SIRPA: variants seen among roughly 807,000 people sequenced by gnomAD.
SIRPA encodes signal regulatory protein alpha.
SIRPA carries 9 observed loss-of-function variants against 50.3 expected under a neutral mutation model. That is an observed-to-expected ratio of 0.18 (90% confidence interval 0.11 to 0.31). The LOEUF (loss-of-function observed/expected upper bound fraction) is 0.31. SIRPA is among the 10% of genes least tolerant of loss of function. The pLI, the probability that SIRPA is intolerant of heterozygous loss-of-function variation, is 1.00. For synonymous variants in SIRPA, 265 were observed against 284.1 expected (o/e 0.93, Z 0.68); for missense variants, 474 against 661.6 (o/e 0.72, Z 3.11).
At chr20:1,920,327 T>C (rs554434052) in intron 2 of SIRPA, among the ~76,000 whole-genome samples, 1 of 152,290 alleles carries the variant, frequency 6.6e-6, no homozygotes, top group African/African-American at 2.4e-5. Context: ...AAATGTTTGA[T>C]GGGTGTGAGG....
chr20:1,914,540 ACT>A (rs1328846613), intron 1 of SIRPA, among the ~76,000 whole-genome samples: 124 of 148,958 alleles, frequency 8.3e-4, no homozygotes, highest in African/African-American at 2.9e-3. Flanking sequence ...ACTCAAACAC[ACT>A]GGCACGAGTC....
chr20:1,907,698 A>G (rs1403095555), intron 1 of SIRPA, among the ~76,000 whole-genome samples: 4 of 152,202 alleles, frequency 2.6e-5, no homozygotes, highest in Non-Finnish European at 4.4e-5. Flanking sequence ...ACGGCCCCAC[A>G]TGCTAAGATA....
upstream of SIRPA, chr20:1,895,372 T>C (rs1313424069): frequency 2.5e-5 from 22 of 882,498 alleles, no homozygotes; most frequent in East Asian, 3.4e-5. Flanking sequence ...GCCTTAGTCA[T>C]TTCCCCGCTC....
At chr20:1,925,796 A>G (rs995889031) in intron 5 of SIRPA, among the ~76,000 whole-genome samples, 3 of 152,236 alleles carry the variant, frequency 2.0e-5, no homozygotes, top group Non-Finnish European at 4.4e-5. Context: ...TAGGATCGCC[A>G]TAAATACATG....
At chr20:1,899,506 C>T (rs943707105) in intron 1 of SIRPA, among the ~76,000 whole-genome samples, 4 of 152,188 alleles carry the variant, frequency 2.6e-5, no homozygotes, top group South Asian at 2.1e-4. Flanking sequence ...GGCCTCTCTC[C>T]GTTTGGTAAA....
rs1986026083 is a variant in SIRPA at position 1,927,122 on chromosome 20, C to G, written c.1202-753C>G. 6.6e-6 allele frequency among the ~76,000 whole-genome samples: 1 copy of G among 152,254 alleles called. No homozygotes were observed. ...CCTGCCCAGGCAGCAAGCGTTAACC[C>G]AGCAGCAAGAATTCTTGCACTGTGG... On this transcript the variant is annotated intron_variant, in intron 5 of 7. Coordinates refer to ENST00000358771, the MANE Select transcript of SIRPA (RefSeq NM_001040023.2). This position sits in a 1 kb window ranked among gnomAD's most constrained non-coding sequence, Gnocchi z 6.5.
Position 1,927,598 on chromosome 20 carries a change from T to C in SIRPA, c.1202-277T>C, listed in dbSNP as rs977681510. On this transcript the variant is annotated intron_variant, in intron 5 of 7. Coordinates refer to ENST00000358771, the MANE Select transcript of SIRPA (RefSeq NM_001040023.2). The surrounding 1 kb of genome is among the most constrained non-coding windows in gnomAD (Gnocchi z 6.5). ...AATGGAGGTGAGACCCAGACAGAGG[T>C]AGGGCGGTTGTCGCCTCCCAGGCTG... Among the ~76,000 whole-genome samples, 1 of 152,084 alleles carries C rather than the reference T, an allele frequency of 6.6e-6. No homozygotes were observed. Among genetic ancestry groups the C allele is most frequent in the Non-Finnish European group, 1.5e-5 (1 of 68,010 alleles).
chr20:1,920,452 G>T (rs1402740780), intron 2 of SIRPA, among the ~76,000 whole-genome samples: 1 of 152,224 alleles, frequency 6.6e-6, no homozygotes, highest in African/African-American at 2.4e-5. Context: ...CCCATCTGCA[G>T]GGAGAAACAG....
At chr20:1,904,870 T>C (rs977084424) in intron 1 of SIRPA, among the ~76,000 whole-genome samples, 1 of 152,100 alleles carries the variant, frequency 6.6e-6, no homozygotes, top group Admixed American at 6.5e-5. Context: ...CAGACTCCTC[T>C]GGGAGGAGAG....
At chr20:1,914,733 T>C (rs1600418453) in intron 1 of SIRPA, among the ~76,000 whole-genome samples, 1 of 146,858 alleles carries the variant, frequency 6.8e-6, no homozygotes, top group Non-Finnish European at 1.5e-5. Flanking sequence ...GCCCCAGATA[T>C]GCCAGGCCCC....
chr20:1,895,478 CTCGGGCCGCT>C lies in SIRPA; in HGVS notation c.32_41del (p.Leu11ArgfsTer23). 6.9e-7 allele frequency: 1 copy of C among 1,440,042 alleles called. No homozygotes were observed. Among genetic ancestry groups the C allele is most frequent in the South Asian group, 1.4e-5 (1 of 70,690 alleles). 89.2% of individuals were successfully genotyped at this position (1,440,042 alleles called of 1,614,324 possible). A position where few individuals can be genotyped will look rare whatever the true frequency, so the allele number is the denominator to read the frequency against. On this transcript the variant is annotated frameshift_variant, in exon 1 of 8. Coordinates refer to ENST00000358771, the MANE Select transcript of SIRPA (RefSeq NM_001040023.2). LOFTEE classifies it high-confidence loss of function. ...GCCCGCCGGCCCGGCCCCCGGCCGC[CTCGGGCCGCT>C]GCTCTGCCTGCTGCTCGCCGCGTCC...
intron 2 of SIRPA, 50 bp downstream of exon 2, chr20:1,915,505 A>G (rs775366600): frequency 1.3e-6 from 2 of 1,590,174 alleles, no homozygotes; most frequent in South Asian, 2.2e-5. Flanking sequence ...CAGTAACTCA[A>G]TAATAACACC....
At chr20:1,908,561 A>G (rs886305251) in intron 1 of SIRPA, among the ~76,000 whole-genome samples, 1 of 152,142 alleles carries the variant, frequency 6.6e-6, no homozygotes, top group African/African-American at 2.4e-5. Context: ...ATTCCGGCAC[A>G]CAGGCACCGT....
At chr20:1,918,069 G>A (rs1985406367) in intron 2 of SIRPA, among the ~76,000 whole-genome samples, 1 of 152,232 alleles carries the variant, frequency 6.6e-6, no homozygotes, top group Non-Finnish European at 1.5e-5. Context: ...CTCAGCCTCA[G>A]TTTCCTCATC....
Position 1,937,811 on chromosome 20 carries a change from A to G in SIRPA, c.*243A>G. Reference sequence around the variant, plus strand: ...GGAGGCTGACGTTGCCAAACCAGCCAGGGAACCAACCTGGGAAGTGGCCAG... The same window carrying G: ...GGAGGCTGACGTTGCCAAACCAGCCGGGGAACCAACCTGGGAAGTGGCCAG... On this transcript the variant is annotated 3_prime_UTR_variant, in exon 8 of 8. Coordinates refer to ENST00000358771, the MANE Select transcript of SIRPA (RefSeq NM_001040023.2). This position sits in a 1 kb window ranked among gnomAD's most constrained non-coding sequence, Gnocchi z 8.3. The G allele has an allele frequency of 5.3e-6, 3 of 562,984 alleles. No individual in the cohort carries two copies. The highest frequency in any genetic ancestry group is 9.4e-6 in the Non-Finnish European group (3 of 317,722). The allele number at this position is 562,984 out of a possible 1,614,324, so 34.9% of individuals were successfully genotyped here.
rs532367839 is a variant in SIRPA, at chr20:1,934,120, T to G, written c.1227-595T>G. Among the ~76,000 whole-genome samples, 1 of 152,288 alleles carries G rather than the reference T, an allele frequency of 6.6e-6. No homozygotes were observed. Among genetic ancestry groups the G allele is most frequent in the East Asian group, 1.9e-4 (1 of 5,186 alleles). On this transcript the variant is annotated intron_variant, in intron 6 of 7. Transcript: ENST00000358771. This position sits in a 1 kb window ranked among gnomAD's most constrained non-coding sequence, Gnocchi z 4.6. ...AGAATTTTCCTTTTTCACTTATCAT[T>G]TTAATGTAAGCAATTTTAACTTAAA...
chr20:1,910,416 A>C (rs1478927114), intron 1 of SIRPA, among the ~76,000 whole-genome samples: 4 of 152,264 alleles, frequency 2.6e-5, no homozygotes, highest in African/African-American at 9.6e-5. Flanking sequence ...TTATAAAGTA[A>C]TAAGAAAACA....
At chr20:1,919,923 T>C (rs1985542811) in intron 2 of SIRPA, among the ~76,000 whole-genome samples, 1 of 152,240 alleles carries the variant, frequency 6.6e-6, no homozygotes, top group African/African-American at 2.4e-5. Context: ...TGCTTTGTTC[T>C]GCTGCCTGAA....
chr20:1,914,157 A>G (rs1028014842), intron 1 of SIRPA, among the ~76,000 whole-genome samples: 8 of 152,214 alleles, frequency 5.3e-5, no homozygotes, highest in African/African-American at 1.9e-4. Flanking sequence ...GGCCCATCTC[A>G]GGGCTAAGTG....
Sources: gnomAD v4.1 joint callset for allele counts (sites outside exome capture counted in the v4.1 genomes callset) on GRCh38, gnomAD v4.1.1 for gene constraint, Gnocchi (gnomAD v3.1) non-coding constraint, MANE v1.5 for transcripts, NCBI Gene and HGNC (gene_info 2026-07-23, HGNC 2026-07-21) for gene names.